Variants in ADGRF1 observed in about 807,000 individuals in gnomAD.
ADGRF1 encodes adhesion G protein-coupled receptor F1, also known as G protein-coupled receptor 110.
ADGRF1 carries 85 observed loss-of-function variants against 87.2 expected under a neutral mutation model. The ratio of observed to expected loss-of-function variants is 0.97; its 90% CI spans 0.82 to 1.17. The LOEUF (loss-of-function observed/expected upper bound fraction) is 1.17, where lower values mean the gene tolerates loss of function less well. Among genes scored for constraint, ADGRF1 ranks in the 50% most tolerant of loss-of-function variants. ADGRF1 has a pLI of 0.00. For missense variants in ADGRF1, 1,169 were observed against 1,077.2 expected, an observed-to-expected ratio of 1.09 and a Z score of -1.19; for synonymous variants, 430 against 408.8, an observed-to-expected ratio of 1.05 and a Z score of -0.63.
intron 1 of ADGRF1, among the ~76,000 whole-genome samples, chr6:47,033,184 G>A (rs542309701): frequency 2.6e-5 from 4 of 152,220 alleles, no homozygotes; most frequent in Admixed American, 2.0e-4. Flanking sequence ...AGCTGCAGCT[G>A]TGTGGGCACC....
rs1227181735 is a variant in ADGRF1, at chr6:47,009,536, G to T, written c.1899C>A (p.Ser633=). The part of the protein sequence containing the change: ...RRICMVNIAL[S]LLIADVWFIV... ...TAAACCAGACATCAGCAATCAAGAGGGACAGGGCTATGTTCACCATGCAAA... is the reference window on the plus strand; with the variant it reads ...TAAACCAGACATCAGCAATCAAGAGTGACAGGGCTATGTTCACCATGCAAA... The change falls in exon 11 of 15, where the codon TCC becomes TCA. Residue 633 remains serine (S), a synonymous_variant. Transcript: ENST00000371253. 1 of 1,613,954 alleles carries T rather than the reference G, an allele frequency of 6.2e-7. No homozygotes were observed. The highest frequency in any genetic ancestry group is 1.3e-5 in the African/African-American group (1 of 74,922).
Position 47,016,720 on chromosome 6 carries a change from T to C in ADGRF1, c.660A>G (p.Ala220=). ...AGYEVVGSSS[A]SELLSAIEHV... ...GTTCAATGGCTGACAGCAGTTCAGA[T>C]GCACTGCTGGAGCCAACAACTTCAT... Residue 220 remains alanine, a synonymous_variant, in exon 8 of 15, where the codon GCA becomes GCG. Coordinates refer to ENST00000371253, the MANE Select transcript of ADGRF1 (RefSeq NM_153840.4). 6.2e-7 allele frequency: 1 copy of C among 1,610,292 alleles called. No homozygotes were observed. Among genetic ancestry groups the C allele is most frequent in the South Asian group, 1.1e-5 (1 of 90,858 alleles).
Position 47,014,775 on chromosome 6 carries a change from C to A in ADGRF1, c.833G>T (p.Gly278Val), listed in dbSNP as rs765146523. ...DDEYTLPCSS[G>V]YRGNITAKCE... is the part of the protein sequence containing the mutation. Reference sequence around the variant, plus strand: ...CTTGGCTGTGATGTTTCCCCTGTAGCCACTGCTGCAGGGCAGGGTATATTC... The same window carrying A: ...CTTGGCTGTGATGTTTCCCCTGTAGACACTGCTGCAGGGCAGGGTATATTC... Residue 278 changes from glycine to valine, a missense_variant, in exon 9 of 15, where the codon GGC becomes GTC. Physicochemically the swap from Gly to Val is moderately radical, Grantham distance 109. Transcript: ENST00000371253. 6.2e-7 allele frequency: 1 copy of A among 1,614,022 alleles called. No homozygotes were observed. The highest frequency in any genetic ancestry group is 8.5e-7 in the Non-Finnish European group (1 of 1,179,950).
intron 1 of ADGRF1, among the ~76,000 whole-genome samples, chr6:47,031,090 T>A (rs1780404812): frequency 6.6e-6 from 1 of 152,098 alleles, no homozygotes. Flanking sequence ...AGGGAAGGAT[T>A]TTTTAATTTG....
chr6:47,022,813 T>C (rs1475542302), intron 5 of ADGRF1, among the ~76,000 whole-genome samples: 1 of 149,030 alleles, frequency 6.7e-6, no homozygotes, highest in African/African-American at 2.5e-5. Flanking sequence ...TCTTTTTTTT[T>C]TTTTTTTTTT....
intron 7 of ADGRF1, chr6:47,019,541 A>G (rs1039353276): frequency 6.7e-6 from 2 of 296,474 alleles, no homozygotes; most frequent in Non-Finnish European, 1.0e-5. Flanking sequence ...AAAATTAGCC[A>G]GGCGTGGTGG....
chr6:47,032,169 C>A (rs891557146), intron 1 of ADGRF1, among the ~76,000 whole-genome samples: 2 of 152,056 alleles, frequency 1.3e-5, no homozygotes, highest in Non-Finnish European at 2.9e-5. Flanking sequence ...GCCCCCTCCT[C>A]CTTAAAAAAA....
At chr6:47,036,255 C>CA (rs1780585976) in intron 1 of ADGRF1, among the ~76,000 whole-genome samples, 3 of 152,042 alleles carry the variant, frequency 2.0e-5, no homozygotes, top group Non-Finnish European at 4.4e-5. Context: ...CAAAACAAAA[C>CA]AAACAAACAA....
chr6:47,003,744 T>G (rs2113874894), intron 13 of ADGRF1, among the ~76,000 whole-genome samples: 1 of 152,326 alleles, frequency 6.6e-6, no homozygotes, highest in East Asian at 1.9e-4. Flanking sequence ...GACTGATGTT[T>G]ATGTCTCCCT....
In ADGRF1 at chr6:46,998,755, T is replaced by G. The variant is rs2113871211; in HGVS notation, c.*1467A>C. 1 of 152,368 alleles carries G rather than the reference T, an allele frequency of 6.6e-6. No homozygotes were observed. The allele number at this position is 152,368 out of a possible 1,614,324, so 9.4% of individuals were successfully genotyped here. A position where few individuals can be genotyped will look rare whatever the true frequency, so the allele number is the denominator to read the frequency against. Reference sequence around the variant, plus strand: ...AGAGTGAGAAGGCTCATAGAGCAGTTTTCTGCAAAGAAGTCTTTCTCATAA... The same window carrying G: ...AGAGTGAGAAGGCTCATAGAGCAGTGTTCTGCAAAGAAGTCTTTCTCATAA... On this transcript the variant is annotated 3_prime_UTR_variant, in exon 15 of 15. Coordinates refer to ENST00000371253, the MANE Select transcript of ADGRF1 (RefSeq NM_153840.4).
intron 6 of ADGRF1, among the ~76,000 whole-genome samples, chr6:47,021,736 A>C (rs1780059584): frequency 6.6e-6 from 1 of 152,220 alleles, no homozygotes; most frequent in South Asian, 2.1e-4. Flanking sequence ...ATAAGTGAGC[A>C]AAACTGAACA....
intron 3 of ADGRF1, 128 bp downstream of exon 3, chr6:47,027,576 C>A: frequency 1.6e-6 from 1 of 636,198 alleles, no homozygotes; most frequent in East Asian, 2.7e-5. Context: ...TGTCATTCTC[C>A]TTGTACATAT....
intron 12 of ADGRF1, among the ~76,000 whole-genome samples, chr6:47,006,347 C>A (rs1779528580): frequency 6.6e-6 from 1 of 152,018 alleles, no homozygotes; most frequent in African/African-American, 2.4e-5. Flanking sequence ...CATCTATTAG[C>A]TTATGGCCTT....
intron 1 of ADGRF1, among the ~76,000 whole-genome samples, chr6:47,036,679 A>C (rs538862101): frequency 6.6e-6 from 1 of 152,316 alleles, no homozygotes; most frequent in Non-Finnish European, 1.5e-5. Context: ...AACCTACCAA[A>C]ACCCACTAAT....
chr6:47,014,854 A>G lies in ADGRF1; in HGVS notation c.764-10T>C, dbSNP rs1348300125. On this transcript the variant is annotated splice_polypyrimidine_tract_variant and intron_variant, in intron 8 of 14. Transcript: ENST00000371253. ...ATGTCATTACACTGGGCTGGAAACA[A>G]AAGAAAACAACAAAGAAAAATGATC... 1.3e-6 allele frequency: 2 copies of G among 1,586,376 alleles called. No homozygotes were observed. Among genetic ancestry groups the G allele is most frequent in the East Asian group, 2.3e-5 (1 of 44,312 alleles).
intron 5 of ADGRF1, among the ~76,000 whole-genome samples, chr6:47,023,346 AATTAAGCTGGGCT>A (rs1426887874): frequency 3.3e-5 from 5 of 152,152 alleles, no homozygotes; most frequent in African/African-American, 1.2e-4. Context: ...CAGTATTCCC[AATTAAGCTGGGCT>A]ATTTCAGGCT....
intron 1 of ADGRF1, among the ~76,000 whole-genome samples, chr6:47,035,554 AT>A (rs1780564699): frequency 6.6e-6 from 1 of 152,220 alleles, no homozygotes; most frequent in African/African-American, 2.4e-5. Context: ...ATTTATTTTC[AT>A]TTCACAATTG....
rs371360781 is a variant in ADGRF1 at position 47,014,772 on chromosome 6, T to A, written c.836A>T (p.Tyr279Phe). The change falls in exon 9 of 15, where the codon TAC (tyrosine) becomes TTC (phenylalanine). Residue 279 changes from tyrosine (Y) to phenylalanine (F), a missense_variant. Coordinates refer to ENST00000371253, the MANE Select transcript of ADGRF1 (RefSeq NM_153840.4). ...DEYTLPCSSG[Y>F]RGNITAKCES... ...ACACTTGGCTGTGATGTTTCCCCTG[T>A]AGCCACTGCTGCAGGGCAGGGTATA... The A allele has an allele frequency of 1.9e-6, 3 of 1,613,966 alleles. No individual in the cohort carries two copies. In the Admixed American group the frequency reaches 5.0e-5, roughly 27 times the overall value.
chr6:47,025,796 C>A, intron 4 of ADGRF1, 58 bp downstream of exon 4: 1 of 1,473,642 alleles, frequency 6.8e-7, no homozygotes, highest in Admixed American at 2.0e-5. Context: ...CCCAACCTAG[C>A]CTGACTGATA....
Sources: allele counts gnomAD v4.1 joint callset (sites outside exome capture counted in the v4.1 genomes callset), GRCh38; gene constraint gnomAD v4.1.1; transcripts MANE v1.5; gene names NCBI Gene and HGNC (gene_info 2026-07-23, HGNC 2026-07-21).